NMNAT2: variants seen among roughly 807,000 people sequenced by gnomAD.
The protein encoded by NMNAT2 is nicotinamide/nicotinic acid mononucleotide adenylyltransferase 2.
Under a neutral mutation model 41.6 loss-of-function variants are expected in NMNAT2, and 11 were observed. That is an observed-to-expected ratio of 0.26 (90% CI 0.17 to 0.44). The LOEUF is 0.44. Ranked by LOEUF, NMNAT2 falls within the 20% of genes least tolerant of loss-of-function variation. The pLI is 1.00. For synonymous variants in NMNAT2, 148 were observed against 151.2 expected (o/e 0.98, Z 0.16); for missense variants, 288 against 407.7 (o/e 0.71, Z 2.53).
chr1:183,292,199 TGCTTTAATTACACTGCAAGCTC>T (rs1328304551), intron 3 of NMNAT2, among the ~76,000 whole-genome samples: 2 of 152,248 alleles, frequency 1.3e-5, no homozygotes, highest in Non-Finnish European at 2.9e-5. Context: ...AGTGGAAGCT[TGCTTTAATTACACTGCAAGCTC>T]AGCGGAGGTG....
At chr1:183,275,885 G>C (rs939487942) in intron 8 of NMNAT2, among the ~76,000 whole-genome samples, 1 of 152,116 alleles carries the variant, frequency 6.6e-6, no homozygotes, top group Non-Finnish European at 1.5e-5. Flanking sequence ...TGTTAGCCAG[G>C]ATGGTCTTGA....
chr1:183,366,177 G>A (rs1047585222), intron 1 of NMNAT2, among the ~76,000 whole-genome samples: 8 of 152,100 alleles, frequency 5.3e-5, no homozygotes, highest in East Asian at 1.9e-4. Flanking sequence ...GACCCATCCC[G>A]TCTTTCTGAC....
chr1:183,399,746 G>C (rs1016405858), intron 1 of NMNAT2, among the ~76,000 whole-genome samples: 3 of 152,172 alleles, frequency 2.0e-5, no homozygotes, highest in African/African-American at 7.2e-5. Context: ...TGGGATGCAA[G>C]GCTGGCTCAA....
intron 4 of NMNAT2, among the ~76,000 whole-genome samples, chr1:183,289,003 G>T (rs961270667): frequency 1.3e-5 from 2 of 152,206 alleles, no homozygotes; most frequent in African/African-American, 4.8e-5. Context: ...ACAGCCAGCT[G>T]GTCCTCTCTA....
intron 8 of NMNAT2, among the ~76,000 whole-genome samples, chr1:183,272,948 G>A (rs886643527): frequency 6.6e-6 from 1 of 152,224 alleles, no homozygotes; most frequent in Admixed American, 6.5e-5. Context: ...CATGGGCAGT[G>A]TTAAATCAAG....
At chr1:183,340,356 T>C (rs558889076) in intron 1 of NMNAT2, among the ~76,000 whole-genome samples, 1 of 146,576 alleles carries the variant, frequency 6.8e-6, no homozygotes, top group Non-Finnish European at 1.5e-5. Flanking sequence ...GGATTGTTGC[T>C]CTGCCACCCA....
intron 8 of NMNAT2, among the ~76,000 whole-genome samples, chr1:183,267,716 TA>T (rs1331792132): frequency 1.3e-5 from 2 of 152,096 alleles, no homozygotes; most frequent in African/African-American, 4.8e-5. Context: ...GGAACTGAAC[TA>T]TTTTTCTGCT....
chr1:183,304,918 T>C, intron 1 of NMNAT2: 1 of 1,391,054 alleles, frequency 7.2e-7, no homozygotes, highest in Non-Finnish European at 9.5e-7. Flanking sequence ...GACCCTCCCT[T>C]CCATAACTGT....
intron 8 of NMNAT2, among the ~76,000 whole-genome samples, chr1:183,269,327 G>A (rs1463403191): frequency 1.3e-5 from 2 of 152,120 alleles, no homozygotes; most frequent in Admixed American, 6.5e-5. Context: ...ATGAAGACAG[G>A]GTTTCATTCC....
At chr1:183,315,975 A>T (rs1268543212) in intron 1 of NMNAT2, among the ~76,000 whole-genome samples, 1 of 152,188 alleles carries the variant, frequency 6.6e-6, no homozygotes, top group Non-Finnish European at 1.5e-5. Flanking sequence ...GAATAACAAA[A>T]GTCTTTAATT....
intron 1 of NMNAT2, among the ~76,000 whole-genome samples, chr1:183,362,839 A>T (rs568566814): frequency 1.3e-5 from 2 of 152,362 alleles, no homozygotes; most frequent in South Asian, 4.1e-4. Flanking sequence ...AGAAACTGAC[A>T]GATTATTTTC....
chr1:183,318,653 C>T (rs1260237603), intron 1 of NMNAT2, among the ~76,000 whole-genome samples: 1 of 152,166 alleles, frequency 6.6e-6, no homozygotes, highest in Non-Finnish European at 1.5e-5. Context: ...GGGAAAAACC[C>T]TCAGTCCTTC....
intron 1 of NMNAT2, among the ~76,000 whole-genome samples, chr1:183,380,432 T>G (rs1019116409): frequency 6.6e-6 from 1 of 152,228 alleles, no homozygotes; most frequent in African/African-American, 2.4e-5. Flanking sequence ...CTTAAGTGTA[T>G]AGTTCAATAC....
chr1:183,272,052 C>T (rs1216912059), intron 8 of NMNAT2, among the ~76,000 whole-genome samples: 1 of 152,216 alleles, frequency 6.6e-6, no homozygotes, highest in African/African-American at 2.4e-5. Flanking sequence ...CACACCTGGC[C>T]TTGAATCAGA....
At chr1:183,274,822 G>T (rs1661083569) in intron 8 of NMNAT2, among the ~76,000 whole-genome samples, 1 of 151,420 alleles carries the variant, frequency 6.6e-6, no homozygotes, top group African/African-American at 2.4e-5. Context: ...AGCGGGGAGA[G>T]AAAATAGGGA....
intron 5 of NMNAT2, among the ~76,000 whole-genome samples, chr1:183,285,551 T>G (rs1661379764): frequency 6.6e-6 from 1 of 152,234 alleles, no homozygotes; most frequent in South Asian, 2.1e-4. Flanking sequence ...CTGACTCTTC[T>G]TTGTGAATTA....
intron 1 of NMNAT2, among the ~76,000 whole-genome samples, chr1:183,384,703 A>G (rs917882774): frequency 6.6e-6 from 1 of 152,218 alleles, no homozygotes; most frequent in Non-Finnish European, 1.5e-5. Context: ...CCCAGTTCAC[A>G]TCTTTACTCA....
At chr1:183,329,144 G>C (rs1057038156) in intron 1 of NMNAT2, among the ~76,000 whole-genome samples, 8 of 152,158 alleles carry the variant, frequency 5.3e-5, no homozygotes, top group Admixed American at 4.6e-4. Flanking sequence ...TTCTGCCTAT[G>C]GGGGTTCATG....
At chr1:183,373,089 G>C (rs1442500274) in intron 1 of NMNAT2, among the ~76,000 whole-genome samples, 2 of 152,206 alleles carry the variant, frequency 1.3e-5, no homozygotes, top group Non-Finnish European at 2.9e-5. Context: ...CCTCAGAATG[G>C]GGCCAAGTGA....
Sources: gnomAD v4.1 joint callset for allele counts (sites outside exome capture counted in the v4.1 genomes callset) on GRCh38, gnomAD v4.1.1 for gene constraint, MANE v1.5 for transcripts, NCBI Gene and HGNC (gene_info 2026-07-23, HGNC 2026-07-21) for gene names.